The following GRM1 variants were observed in gnomAD, a reference collection of about 807,000 sequenced individuals.
The protein encoded by GRM1 is glutamate metabotropic receptor 1, also known as metabotropic glutamate receptor 1.
In GRM1, 33 loss-of-function variants were observed where a neutral mutation model predicts 90.9. That is an observed-to-expected ratio of 0.36 (90% CI 0.28 to 0.49). The LOEUF (loss-of-function observed/expected upper bound fraction) is 0.49, where lower values mean the gene tolerates loss of function less well. Among genes scored for constraint, GRM1 ranks in the 20% least tolerant of loss-of-function variants. The pLI, the probability that GRM1 is intolerant of heterozygous loss-of-function variation, is 0.99. For synonymous variants in GRM1, 700 were observed against 613.2 expected (o/e 1.14, Z -2.09); for missense variants, 1,190 against 1,534.3 (o/e 0.78, Z 3.75).
intron 2 of GRM1, among the ~76,000 whole-genome samples, chr6:146,244,067 TC>T (rs1247186228): frequency 6.6e-6 from 1 of 152,186 alleles, no homozygotes; most frequent in Non-Finnish European, 1.5e-5. Context: ...ATAGCTGTTA[TC>T]CTGTTCTTTT....
intron 7 of GRM1, among the ~76,000 whole-genome samples, chr6:146,427,110 G>C (rs868415611): frequency 3.3e-5 from 5 of 152,234 alleles, no homozygotes; most frequent in Middle Eastern, 6.8e-3. Flanking sequence ...GTTTGCGGGG[G>C]TGGGTGCCAA....
At chr6:146,337,869 A>C (rs1405769683) in intron 3 of GRM1, among the ~76,000 whole-genome samples, 3 of 152,236 alleles carry the variant, frequency 2.0e-5, no homozygotes, top group Non-Finnish European at 4.4e-5. Context: ...TAAAGAAAAC[A>C]AAAAGAATAA....
At chr6:146,191,122 C>T (rs528350247) in intron 2 of GRM1, among the ~76,000 whole-genome samples, 18 of 152,264 alleles carry the variant, frequency 1.2e-4, no homozygotes, top group South Asian at 4.1e-4. Context: ...AGGTCAGTTC[C>T]CCTTTCAGGA....
chr6:146,340,136 C>G (rs145893053), intron 3 of GRM1, among the ~76,000 whole-genome samples: 207 of 152,244 alleles, frequency 1.4e-3, no homozygotes, highest in African/African-American at 4.8e-3. Flanking sequence ...AAATCAATGC[C>G]AGGTATGTAC....
Position 146,033,527 on chromosome 6 carries a change from A to G in GRM1, c.700+3310A>G, listed in dbSNP as rs191893108. ...TTTTTGAGTGGATAAATTTTCATTC[A>G]TTACTTTTATGTATTTATTTATTTA... On this transcript the variant is annotated intron_variant, in intron 1 of 7. Transcript: ENST00000282753. Among the ~76,000 whole-genome samples the G allele has an allele frequency of 1.2e-3, 186 of 152,188 alleles. 1 individual carries two copies. Among genetic ancestry groups the G allele is most frequent in the African/African-American group, 4.3e-3 (179 of 41,546 alleles).
intron 1 of GRM1, among the ~76,000 whole-genome samples, chr6:146,146,692 T>C (rs1048048995): frequency 1.3e-5 from 2 of 152,198 alleles, no homozygotes; most frequent in Non-Finnish European, 2.9e-5. Context: ...TGAGCTAGCA[T>C]GTTAGCACAT....
intron 5 of GRM1, among the ~76,000 whole-genome samples, chr6:146,376,838 T>A (rs1291393166): frequency 6.6e-6 from 1 of 152,140 alleles, no homozygotes; most frequent in Non-Finnish European, 1.5e-5. Context: ...GTAACTCTCA[T>A]AATTCCCACA....
intron 1 of GRM1, among the ~76,000 whole-genome samples, chr6:146,122,839 C>CTTTTTTTTTTTTTTTTTTTTTT (rs57859188): frequency 8.2e-4 from 51 of 62,218 alleles, no homozygotes; most frequent in Non-Finnish European, 1.1e-3. Context: ...TCTTTTCTTT[C>CTTTTTTTTTTTTTTTTTTTTTT]TTTTTTTTTT....
chr6:146,281,705 C>T (rs1248292972), intron 2 of GRM1, among the ~76,000 whole-genome samples: 5 of 152,158 alleles, frequency 3.3e-5, no homozygotes, highest in Non-Finnish European at 1.5e-5. Context: ...GTTGAAATCA[C>T]TTAATGTGAT....
chr6:146,109,356 G>A (rs1259772299), intron 1 of GRM1, among the ~76,000 whole-genome samples: 1 of 152,230 alleles, frequency 6.6e-6, no homozygotes, highest in African/African-American at 2.4e-5. Context: ...CCAAGGCACA[G>A]CTTGGGCTGT....
intron 3 of GRM1, among the ~76,000 whole-genome samples, chr6:146,317,656 T>A (rs1011099854): frequency 1.3e-5 from 2 of 152,232 alleles, no homozygotes; most frequent in African/African-American, 4.8e-5. Flanking sequence ...TCATTATATG[T>A]TAGTTAAAAC....
chr6:146,183,631 C>T (rs1057049565), intron 2 of GRM1, among the ~76,000 whole-genome samples: 1 of 152,084 alleles, frequency 6.6e-6, no homozygotes, highest in African/African-American at 2.4e-5. Flanking sequence ...CTCTATGTTC[C>T]TTTTCCATGC....
chr6:146,036,288 A>G (rs1224205069), intron 1 of GRM1, among the ~76,000 whole-genome samples: 2 of 151,964 alleles, frequency 1.3e-5, no homozygotes, highest in South Asian at 2.1e-4. Flanking sequence ...TACAACCACT[A>G]AAAAAACTCA....
chr6:146,360,534 G>T (rs1775428901), intron 5 of GRM1, among the ~76,000 whole-genome samples: 1 of 152,106 alleles, frequency 6.6e-6, no homozygotes, highest in Non-Finnish European at 1.5e-5. Flanking sequence ...CAACTCAAAG[G>T]TGACCAACAG....
At chr6:146,236,562 AG>A (rs1780652006) in intron 2 of GRM1, among the ~76,000 whole-genome samples, 1 of 152,092 alleles carries the variant, frequency 6.6e-6, no homozygotes, top group Non-Finnish European at 1.5e-5. Context: ...TCTGCATCTC[AG>A]GGATAGAGCC....
At chr6:146,225,367 A>G (rs146615268) in intron 2 of GRM1, among the ~76,000 whole-genome samples, 28 of 152,278 alleles carry the variant, frequency 1.8e-4, no homozygotes, top group Non-Finnish European at 3.2e-4. Flanking sequence ...GTACCACAGT[A>G]TAATAATCTC....
At chr6:146,358,918 A>C (rs758247274) in intron 5 of GRM1, among the ~76,000 whole-genome samples, 1 of 152,176 alleles carries the variant, frequency 6.6e-6, no homozygotes, top group African/African-American at 2.4e-5. Flanking sequence ...TATTAAAAAT[A>C]TTTGATAGTT....
chr6:146,072,803 T>G (rs1776057656), intron 1 of GRM1, among the ~76,000 whole-genome samples: 1 of 152,180 alleles, frequency 6.6e-6, no homozygotes, highest in African/African-American at 2.4e-5. Context: ...TGTCTATAAA[T>G]TTCTGAAGAC....
At chr6:146,380,436 T>A (rs1776279502) in intron 5 of GRM1, among the ~76,000 whole-genome samples, 1 of 151,634 alleles carries the variant, frequency 6.6e-6, no homozygotes. Context: ...CCCCAGGCCA[T>A]AAGGAGTACT....
Sources: allele counts gnomAD v4.1 joint callset (sites outside exome capture counted in the v4.1 genomes callset), GRCh38; gene constraint gnomAD v4.1.1; transcripts MANE v1.5; gene names NCBI Gene and HGNC (gene_info 2026-07-23, HGNC 2026-07-21).